ZMYM2: variants seen among roughly 807,000 people sequenced by gnomAD.
ZMYM2 encodes zinc finger MYM-type containing 2.
ZMYM2 carries 56 observed loss-of-function variants against 162.8 expected under a neutral mutation model. The ratio of observed to expected loss-of-function variants is 0.34; its 90% CI spans 0.28 to 0.43. The LOEUF is 0.43. Ranked by LOEUF, ZMYM2 falls within the 20% of genes least tolerant of loss-of-function variation. ZMYM2 has a pLI of 1.00. For missense variants in ZMYM2, 1,275 were observed against 1,621.8 expected (o/e 0.79, Z 3.67); for synonymous variants, 510 against 541.6 (o/e 0.94, Z 0.81).
the ZMYM2 span, among the ~76,000 whole-genome samples, chr13:19,897,526 G>A: frequency 6.6e-6 from 1 of 151,838 alleles, no homozygotes; most frequent in East Asian, 1.9e-4. Flanking sequence ...GTGGCCTATG[G>A]TCAGGGCAGA....
At chr13:20,070,619 T>TC (rs985483104) in intron 21 of ZMYM2, 4 of 152,564 alleles carry the variant, frequency 2.6e-5, no homozygotes, top group African/African-American at 9.7e-5. Flanking sequence ...TTCAAGCAAT[T>TC]CCTCTGCCTC....
chr13:19,951,238 A>C, the ZMYM2 span, among the ~76,000 whole-genome samples: 2 of 152,188 alleles, frequency 1.3e-5, no homozygotes, highest in African/African-American at 4.8e-5. Context: ...AATGAGATAC[A>C]TTAAAAAGCT....
chr13:19,894,108 TAC>T, the ZMYM2 span, among the ~76,000 whole-genome samples: 2 of 151,360 alleles, frequency 1.3e-5, no homozygotes, highest in Admixed American at 6.6e-5. Flanking sequence ...GGAACACACA[TAC>T]ACACACACAC....
rs114235386 is a variant in ZMYM2, at chr13:20,023,918, T to G, written c.1585-2694T>G. On this transcript the variant is annotated intron_variant, in intron 7 of 24. Transcript: ENST00000610343. ...GTGATTCTGTCATTCTGATAGTACT[T>G]TCTCATTTTCTTTTTCTTCTTCTTT... is the stretch of plus-strand genomic sequence containing the variant. Among the ~76,000 whole-genome samples, 453 of 151,896 alleles carry G rather than the reference T, an allele frequency of 3.0e-3. 4 individuals are homozygous for G. Among genetic ancestry groups the G allele is most frequent in the African/African-American group, 0.01 (425 of 41,412 alleles).
At chr13:19,978,676 A>G (rs1229980171) in intron 2 of ZMYM2, among the ~76,000 whole-genome samples, 2 of 152,186 alleles carry the variant, frequency 1.3e-5, no homozygotes, top group East Asian at 1.9e-4. Context: ...TGGCCTCCCA[A>G]AGTGCTGGGA....
At chr13:19,869,150 C>T in the ZMYM2 span, among the ~76,000 whole-genome samples, 192 of 152,298 alleles carry the variant, frequency 1.3e-3, 1 homozygote, top group African/African-American at 4.3e-3. Context: ...ATAATTTAAA[C>T]TTAGTTTACA....
chr13:19,936,845 G>T, the ZMYM2 span, among the ~76,000 whole-genome samples: 43 of 151,836 alleles, frequency 2.8e-4, no homozygotes, highest in African/African-American at 9.7e-4. Flanking sequence ...CAATTTCATA[G>T]ATTTACTAAA....
At chr13:19,883,598 T>C in the ZMYM2 span, among the ~76,000 whole-genome samples, 1 of 152,220 alleles carries the variant, frequency 6.6e-6, no homozygotes, top group Non-Finnish European at 1.5e-5. Context: ...TATGTTTATT[T>C]AGTTTGGGTT....
the ZMYM2 span, among the ~76,000 whole-genome samples, chr13:19,883,709 AAGAC>A: frequency 9.2e-5 from 14 of 152,322 alleles, no homozygotes; most frequent in Admixed American, 7.8e-4. Flanking sequence ...AAACATGTGT[AAGAC>A]AGACTCTTAC....
chr13:20,009,566 T>C (rs1167383664), intron 6 of ZMYM2, among the ~76,000 whole-genome samples: 2 of 148,590 alleles, frequency 1.3e-5, no homozygotes, highest in Admixed American at 6.6e-5. Flanking sequence ...ATAACTCCCA[T>C]TTTTTTCTAT....
chr13:19,905,012 T>A, the ZMYM2 span, among the ~76,000 whole-genome samples: 3 of 150,198 alleles, frequency 2.0e-5, no homozygotes, highest in Non-Finnish European at 3.0e-5. Context: ...TTCAATTTTT[T>A]TTTTTTTTTT....
chr13:19,978,518 G>A (rs1201452881), intron 2 of ZMYM2, among the ~76,000 whole-genome samples: 2 of 152,102 alleles, frequency 1.3e-5, no homozygotes, highest in Non-Finnish European at 2.9e-5. Context: ...CTGGGTTCAA[G>A]TGATTCTCCT....
chr13:19,995,641 A>G (rs1949962695), intron 3 of ZMYM2, among the ~76,000 whole-genome samples: 2 of 152,122 alleles, frequency 1.3e-5, no homozygotes, highest in Non-Finnish European at 2.9e-5. Flanking sequence ...GGCCTCTCAA[A>G]GTTCTGGGAT....
chr13:20,007,209 C>T (rs1370196401), intron 6 of ZMYM2, among the ~76,000 whole-genome samples: 1 of 152,052 alleles, frequency 6.6e-6, no homozygotes, highest in Non-Finnish European at 1.5e-5. Context: ...GATCTCAGCT[C>T]ACTGCAACCT....
chr13:19,998,334 T>C (rs1950165642), intron 3 of ZMYM2, among the ~76,000 whole-genome samples: 1 of 152,180 alleles, frequency 6.6e-6, no homozygotes, highest in South Asian at 2.1e-4. Flanking sequence ...CAAATGTAAA[T>C]TGAAAATAGA....
chr13:19,885,606 G>A, the ZMYM2 span, among the ~76,000 whole-genome samples: 1 of 152,182 alleles, frequency 6.6e-6, no homozygotes, highest in Admixed American at 6.6e-5. Flanking sequence ...TTGGGAGGCC[G>A]AGGCGGGTGG....
At chr13:19,877,663 G>A in the ZMYM2 span, among the ~76,000 whole-genome samples, 1 of 152,182 alleles carries the variant, frequency 6.6e-6, no homozygotes, top group Admixed American at 6.6e-5. Context: ...TTTTGTGACT[G>A]CCTTATTTCA....
chr13:19,953,984 C>T (rs73426049), upstream of ZMYM2, among the ~76,000 whole-genome samples: 3,388 of 151,820 alleles, frequency 0.022, 122 homozygotes, highest in African/African-American at 0.078. Context: ...TTCCATGAAT[C>T]CTGTGTTTCA....
At chr13:20,043,269 G>A (rs2140447544) in intron 12 of ZMYM2, among the ~76,000 whole-genome samples, 1 of 152,300 alleles carries the variant, frequency 6.6e-6, no homozygotes, top group Middle Eastern at 3.4e-3. Flanking sequence ...CACTACACTT[G>A]ATGGATGGTG....
Sources: allele counts gnomAD v4.1 joint callset (sites outside exome capture counted in the v4.1 genomes callset), GRCh38; gene constraint gnomAD v4.1.1; transcripts MANE v1.5; gene names NCBI Gene and HGNC (gene_info 2026-07-23, HGNC 2026-07-21).